Variants in BIRC6 observed in about 807,000 individuals in gnomAD.
BIRC6 encodes the protein dual E2 ubiquitin-conjugating enzyme/E3 ubiquitin-protein ligase BIRC6.
In BIRC6, 98 loss-of-function variants were observed where a neutral mutation model predicts 503.3. The ratio of observed to expected loss-of-function variants is 0.19; its 90% CI spans 0.17 to 0.23. The LOEUF (loss-of-function observed/expected upper bound fraction) is 0.23. Ranked by LOEUF, BIRC6 falls within the 10% of genes least tolerant of loss-of-function variation. The probability of loss-of-function intolerance (pLI) is 1.00; values close to 1 mark genes in which losing one functional copy is unlikely to be tolerated. For missense variants in BIRC6, 5,360 were observed against 5,806.0 expected, an observed-to-expected ratio of 0.92 and a Z score of 2.50; for synonymous variants, 2,240 against 2,078.7, an observed-to-expected ratio of 1.08 and a Z score of -2.11.
intron 65 of BIRC6, among the ~76,000 whole-genome samples, chr2:32,554,083 A>G (rs2058622088): frequency 6.6e-6 from 1 of 152,170 alleles, no homozygotes. Flanking sequence ...ATTTGGTAAT[A>G]TTCACATGTT....
chr2:32,404,251 T>A (rs1034296422), intron 8 of BIRC6, among the ~76,000 whole-genome samples: 1 of 152,138 alleles, frequency 6.6e-6, no homozygotes, highest in Non-Finnish European at 1.5e-5. Context: ...TTAAAAAGTT[T>A]TATTGAAGTG....
intron 65 of BIRC6, among the ~76,000 whole-genome samples, chr2:32,561,826 G>T (rs868158004): frequency 9.3e-4 from 140 of 150,412 alleles, no homozygotes; most frequent in African/African-American, 3.2e-3. Flanking sequence ...GGCGGATCAC[G>T]AGGTCAGGAG....
intron 15 of BIRC6, among the ~76,000 whole-genome samples, chr2:32,436,868 A>AGGTTTTTT (rs1387248376): frequency 7.0e-6 from 1 of 143,474 alleles, no homozygotes; most frequent in Non-Finnish European, 1.5e-5. Context: ...TGGCCAAGAG[A>AGGTTTTTT]GGTTTTTTTT....
intron 51 of BIRC6, among the ~76,000 whole-genome samples, chr2:32,508,752 G>A (rs1284702033): frequency 6.6e-6 from 1 of 152,136 alleles, no homozygotes; most frequent in Non-Finnish European, 1.5e-5. Context: ...ACAGCTGGAT[G>A]TTTTATAGAT....
intron 33 of BIRC6, among the ~76,000 whole-genome samples, chr2:32,475,281 A>T (rs1465319530): frequency 6.6e-6 from 1 of 151,996 alleles, no homozygotes; most frequent in Non-Finnish European, 1.5e-5. Flanking sequence ...ATACCTTTCT[A>T]GTACTTTATA....
At chr2:32,571,541 G>A (rs1245205481) in intron 65 of BIRC6, among the ~76,000 whole-genome samples, 1 of 151,984 alleles carries the variant, frequency 6.6e-6, no homozygotes, top group Non-Finnish European at 1.5e-5. Context: ...TCTAGGTTGA[G>A]TGTAGAGTTG....
chr2:32,457,109 C>G (rs960002276), intron 23 of BIRC6, among the ~76,000 whole-genome samples: 3 of 152,170 alleles, frequency 2.0e-5, no homozygotes, highest in African/African-American at 7.2e-5. Flanking sequence ...TTTACCTCGT[C>G]TGATGTTTAC....
intron 66 of BIRC6, among the ~76,000 whole-genome samples, chr2:32,585,539 C>A (rs749542126): frequency 1.3e-5 from 2 of 152,016 alleles, no homozygotes; most frequent in East Asian, 1.9e-4. Context: ...GCCACCACAC[C>A]CGGCTAATTT....
intron 66 of BIRC6, among the ~76,000 whole-genome samples, chr2:32,580,135 G>C (rs1430616737): frequency 6.6e-6 from 1 of 151,954 alleles, no homozygotes; most frequent in African/African-American, 2.4e-5. Flanking sequence ...TGTATTTTTA[G>C]TAGAGACGGG....
chr2:32,468,801 A>T lies in BIRC6; in HGVS notation c.6127+18A>T, dbSNP rs372736748. On this transcript the variant is annotated intron_variant, in intron 29 of 73. Transcript: ENST00000421745. ...TTCTAATGGTTTGTATTTGGCTTAC[A>T]TATTTTAAAGGCTGGGAATATACTT... 2.3e-5 allele frequency: 36 copies of T among 1,533,560 alleles called. No homozygotes were observed. The highest frequency in any genetic ancestry group is 3.1e-5 in the Non-Finnish European group (35 of 1,126,494). 95.0% of individuals were successfully genotyped at this position (1,533,560 alleles called of 1,614,324 possible). A position where few individuals can be genotyped will look rare whatever the true frequency, so the allele number is the denominator to read the frequency against.
At chr2:32,461,843 G>T (rs1050650706) in intron 23 of BIRC6, among the ~76,000 whole-genome samples, 1 of 151,896 alleles carries the variant, frequency 6.6e-6, no homozygotes, top group African/African-American at 2.4e-5. Flanking sequence ...TACCTCATAC[G>T]TATAATAGTA....
intron 40 of BIRC6, among the ~76,000 whole-genome samples, chr2:32,486,221 A>G (rs896599653): frequency 1.3e-5 from 2 of 152,210 alleles, no homozygotes; most frequent in Non-Finnish European, 2.9e-5. Flanking sequence ...AGGATTTACT[A>G]CCTAATAACC....
intron 45 of BIRC6, 46 bp from the exon 46 acceptor site, chr2:32,499,501 C>G: frequency 1.3e-6 from 1 of 771,582 alleles, no homozygotes; most frequent in South Asian, 2.9e-5. Context: ...CTTGTTGTAT[C>G]TCTCTCTCTC....
chr2:32,503,271 A>G, intron 49 of BIRC6, 35 bp downstream of exon 49: 2 of 1,538,476 alleles, frequency 1.3e-6, no homozygotes, highest in Non-Finnish European at 1.8e-6. Flanking sequence ...ACTTATGTGA[A>G]ATTATCTAGT....
At chr2:32,560,826 C>G (rs568969661) in intron 65 of BIRC6, among the ~76,000 whole-genome samples, 2 of 152,056 alleles carry the variant, frequency 1.3e-5, no homozygotes, top group Admixed American at 1.3e-4. Flanking sequence ...GTCTCAGCCT[C>G]CTGAGTCACT....
At chr2:32,358,543 C>T (rs2149042238) in intron 1 of BIRC6, among the ~76,000 whole-genome samples, 1 of 152,282 alleles carries the variant, frequency 6.6e-6, no homozygotes, top group South Asian at 2.1e-4. Context: ...AATCGGACTC[C>T]TGCATAGAGA....
At chr2:32,398,523 A>G (rs1463641764) in intron 6 of BIRC6, among the ~76,000 whole-genome samples, 2 of 152,098 alleles carry the variant, frequency 1.3e-5, no homozygotes, top group Non-Finnish European at 2.9e-5. Flanking sequence ...ACAATTTAAG[A>G]CCCTGTATTT....
At chr2:32,462,174 T>C (rs999010872) in intron 23 of BIRC6, among the ~76,000 whole-genome samples, 18 of 152,236 alleles carry the variant, frequency 1.2e-4, no homozygotes, top group Non-Finnish European at 7.3e-5. Context: ...TTGCTATTCT[T>C]ATAGCAGTTA....
Position 32,445,663 on chromosome 2 carries a change from G to A in BIRC6, c.4479G>A (p.Gln1493=). ...DRLTPMEALL[Q]TRYGLYSSPF... The stretch of plus-strand genomic sequence containing the variant: ...TAACACCAATGGAGGCTTTACTTCA[G>A]ACAAGGTATTTTAGTATATCTAATG... The change falls in exon 21 of 74, where the codon CAG becomes CAA. Residue 1493 remains glutamine, a synonymous_variant. Coordinates refer to ENST00000421745, the MANE Select transcript of BIRC6 (RefSeq NM_016252.4). The A allele has an allele frequency of 1.9e-6, 3 of 1,543,094 alleles. No homozygotes were observed. Among genetic ancestry groups the A allele is most frequent in the Non-Finnish European group, 2.6e-6 (3 of 1,143,910 alleles).
Sources: allele counts gnomAD v4.1 joint callset (sites outside exome capture counted in the v4.1 genomes callset), GRCh38; gene constraint gnomAD v4.1.1; transcripts MANE v1.5; gene names NCBI Gene and HGNC (gene_info 2026-07-23, HGNC 2026-07-21).